NTM: variants seen among roughly 807,000 people sequenced by gnomAD.
NTM encodes IgLON family member 2.
Under a neutral mutation model 42.1 loss-of-function variants are expected in NTM, and 13 were observed. The observed-to-expected ratio is 0.31, with a 90% confidence interval of 0.20 to 0.49. NTM has a LOEUF of 0.49. NTM is among the 20% of genes least tolerant of loss of function. The pLI is 0.99. For missense variants in NTM, 373 were observed against 452.8 expected (o/e 0.82, Z 1.60); for synonymous variants, 187 against 179.2 (o/e 1.04, Z -0.35).
At chr11:131,788,535 G>GTTAT (rs2094228767) in intron 1 of NTM, among the ~76,000 whole-genome samples, 1 of 152,046 alleles carries the variant, frequency 6.6e-6, no homozygotes, top group South Asian at 2.1e-4. Context: ...GTTATTAACA[G>GTTAT]TTATAGTCTT....
chr11:131,901,018 A>G (rs765599392), intron 1 of NTM, among the ~76,000 whole-genome samples: 3 of 152,232 alleles, frequency 2.0e-5, no homozygotes, highest in African/African-American at 4.8e-5. Context: ...GCTAGCCATC[A>G]CTGATTCCAA....
chr11:131,500,577 ATTTTTT>A (rs71475759), intron 1 of NTM, among the ~76,000 whole-genome samples: 1,593 of 76,138 alleles, frequency 0.021, 32 homozygotes, highest in African/African-American at 0.057. Context: ...ATATATATAT[ATTTTTT>A]TTTTTTTTTT....
At chr11:131,809,560 T>A (rs768296941) in intron 1 of NTM, among the ~76,000 whole-genome samples, 12 of 152,192 alleles carry the variant, frequency 7.9e-5, no homozygotes, top group Non-Finnish European at 1.2e-4. Context: ...TCAAACTGTG[T>A]TTGAACACAG....
At chr11:132,140,565 T>C (rs1290520542) in intron 2 of NTM, among the ~76,000 whole-genome samples, 5 of 152,108 alleles carry the variant, frequency 3.3e-5, no homozygotes, top group Admixed American at 2.0e-4. Flanking sequence ...AAGTTTAGAG[T>C]CTAAAAGAAA....
chr11:132,198,579 G>T (rs1460143292), intron 3 of NTM, among the ~76,000 whole-genome samples: 1 of 152,194 alleles, frequency 6.6e-6, no homozygotes, highest in Non-Finnish European at 1.5e-5. Context: ...TTTTACCACA[G>T]TAAAAGCTTT....
At chr11:132,261,646 C>T (rs970195050) in intron 4 of NTM, among the ~76,000 whole-genome samples, 2 of 152,138 alleles carry the variant, frequency 1.3e-5, no homozygotes, top group Admixed American at 6.5e-5. Context: ...CACAGAAGGC[C>T]GTGCCAGCAC....
chr11:131,499,725 A>G (rs2046492687), intron 1 of NTM, among the ~76,000 whole-genome samples: 2 of 152,100 alleles, frequency 1.3e-5, no homozygotes, highest in Non-Finnish European at 2.9e-5. Flanking sequence ...CTCCAGTGTT[A>G]TTAATACGCT....
chr11:132,314,543 T>A lies in NTM; in HGVS notation c.783-9T>A. 1.9e-6 allele frequency: 3 copies of A among 1,603,786 alleles called. No homozygotes were observed. The highest frequency in any genetic ancestry group is 2.6e-6 in the Non-Finnish European group (3 of 1,175,928). ...TGTTTTCTTCTTTTTTGTCTTTTGT[T>A]TCTCTCAGACTGATTGAAGGAAAGA... On this transcript the variant is annotated splice_polypyrimidine_tract_variant and intron_variant, in intron 6 of 8. Coordinates refer to ENST00000683400, the MANE Select transcript of NTM (RefSeq NM_001352005.2).
At chr11:132,260,965 A>G (rs1308230752) in intron 4 of NTM, among the ~76,000 whole-genome samples, 1 of 152,176 alleles carries the variant, frequency 6.6e-6, no homozygotes, top group Non-Finnish European at 1.5e-5. Flanking sequence ...TTGGCAGCTC[A>G]GATGTGAAAT....
chr11:131,950,870 A>G (rs1029729109), intron 2 of NTM, among the ~76,000 whole-genome samples: 20 of 152,242 alleles, frequency 1.3e-4, no homozygotes, highest in South Asian at 1.0e-3. Context: ...GTTGCTGAGC[A>G]CGTTGCCATG....
chr11:131,395,265 A>G (rs1944423345), intron 1 of NTM, among the ~76,000 whole-genome samples: 1 of 152,216 alleles, frequency 6.6e-6, no homozygotes, highest in South Asian at 2.1e-4. Context: ...CCCCAAGGAA[A>G]CTGATATGAT....
chr11:131,638,040 C>G (rs2064638154), intron 1 of NTM, among the ~76,000 whole-genome samples: 1 of 152,140 alleles, frequency 6.6e-6, no homozygotes, highest in African/African-American at 2.4e-5. Context: ...AAGCGTAACA[C>G]AAGCCTTAAT....
intron 7 of NTM, among the ~76,000 whole-genome samples, chr11:132,329,241 C>T (rs970508338): frequency 2.0e-5 from 3 of 152,152 alleles, no homozygotes; most frequent in African/African-American, 4.8e-5. Context: ...GCTTTAGTGC[C>T]ATTTTCCGTC....
At chr11:131,605,845 C>G (rs1592201400) in intron 1 of NTM, 1 of 984,278 alleles carries the variant, frequency 1.0e-6, no homozygotes, top group Non-Finnish European at 1.2e-6. Context: ...CTGGAAGCCT[C>G]TTCTTGGACT....
At chr11:131,464,360 G>T (rs766536845) in intron 1 of NTM, among the ~76,000 whole-genome samples, 30 of 82,748 alleles carry the variant, frequency 3.6e-4, no homozygotes, top group Middle Eastern at 5.2e-3. Context: ...AGGGAAAGCT[G>T]GGGGGGGGGC....
intron 2 of NTM, among the ~76,000 whole-genome samples, chr11:131,959,846 T>C (rs1432835799): frequency 3.9e-5 from 6 of 152,124 alleles, no homozygotes; most frequent in Admixed American, 2.0e-4. Context: ...CCTAACCAGA[T>C]GAAGAAATGC....
intron 1 of NTM, among the ~76,000 whole-genome samples, chr11:131,887,064 C>A (rs887306910): frequency 6.6e-6 from 1 of 152,296 alleles, no homozygotes; most frequent in African/African-American, 2.4e-5. Flanking sequence ...GGAGAAGTAA[C>A]GTACAGCATG....
chr11:131,561,798 C>T (rs2056270516), intron 1 of NTM, among the ~76,000 whole-genome samples: 1 of 152,202 alleles, frequency 6.6e-6, no homozygotes, highest in Non-Finnish European at 1.5e-5. Context: ...CATCATCCTT[C>T]TTCTTCACCT....
At chr11:132,016,499 T>A (rs1449872677) in intron 2 of NTM, among the ~76,000 whole-genome samples, 2 of 152,062 alleles carry the variant, frequency 1.3e-5, no homozygotes, top group African/African-American at 4.8e-5. Flanking sequence ...TGTGTAATAA[T>A]ATTCTATTAT....
Sources: allele counts gnomAD v4.1 joint callset (sites outside exome capture counted in the v4.1 genomes callset), GRCh38; gene constraint gnomAD v4.1.1; transcripts MANE v1.5; gene names NCBI Gene and HGNC (gene_info 2026-07-23, HGNC 2026-07-21).